Variants in DGKI observed in about 807,000 individuals in gnomAD.
DGKI encodes DAG kinase iota.
DGKI carries 55 observed loss-of-function variants against 147.5 expected under a neutral mutation model. That is an observed-to-expected ratio of 0.37 (90% CI 0.30 to 0.47). The LOEUF (loss-of-function observed/expected upper bound fraction) is 0.47. DGKI is among the 20% of genes least tolerant of loss of function. The pLI is 1.00. For synonymous variants in DGKI, 469 were observed against 477.1 expected (o/e 0.98, Z 0.22); for missense variants, 1,007 against 1,323.8 (o/e 0.76, Z 3.71).
At chr7:137,765,739 T>C (rs1299857737) in intron 1 of DGKI, among the ~76,000 whole-genome samples, 2 of 152,210 alleles carry the variant, frequency 1.3e-5, no homozygotes, top group African/African-American at 4.8e-5. Flanking sequence ...TTCAGCTAAG[T>C]AGCCCTCAGG....
chr7:137,480,034 G>A (rs141166707), intron 23 of DGKI, among the ~76,000 whole-genome samples: 5 of 152,168 alleles, frequency 3.3e-5, no homozygotes, highest in East Asian at 3.9e-4. Context: ...CCCAGATTTC[G>A]AAGATGAAGA....
intron 19 of DGKI, among the ~76,000 whole-genome samples, chr7:137,569,726 C>A (rs1818723496): frequency 4.1e-5 from 1 of 24,422 alleles, no homozygotes. Flanking sequence ...GAGACTCTGT[C>A]TCAAAAAAAA....
intron 26 of DGKI, among the ~76,000 whole-genome samples, chr7:137,465,377 G>T (rs1206788171): frequency 6.6e-6 from 1 of 152,130 alleles, no homozygotes; most frequent in African/African-American, 2.4e-5. Flanking sequence ...TCTGAGTGAG[G>T]ATTATTGTTA....
chr7:137,503,728 T>C (rs1313096187), intron 21 of DGKI, among the ~76,000 whole-genome samples: 2 of 152,196 alleles, frequency 1.3e-5, no homozygotes, highest in African/African-American at 4.8e-5. Context: ...TTGGTTCTTT[T>C]ACAATATAGT....
At chr7:137,560,368 A>G (rs972814837) in intron 19 of DGKI, among the ~76,000 whole-genome samples, 31 of 152,302 alleles carry the variant, frequency 2.0e-4, no homozygotes, top group Admixed American at 1.8e-3. Flanking sequence ...GAAGCAGAGA[A>G]AGGGAGAATT....
rs1470631037 is a variant in DGKI at position 137,383,649 on chromosome 7, T to C, written c.*7571A>G. The stretch of plus-strand genomic sequence containing the variant: ...AAACAGTGATAACAACTTCACTGTT[T>C]TTCAGAAAGCCCAAACTGTTTTTCT... On this transcript the variant is annotated 3_prime_UTR_variant, in exon 33 of 33. Coordinates refer to ENST00000614521, the MANE Select transcript of DGKI (RefSeq NM_001321708.2). The C allele has an allele frequency of 1.3e-5, 2 of 152,008 alleles. No homozygotes were observed. The highest frequency in any genetic ancestry group is 2.9e-5 in the Non-Finnish European group (2 of 67,928). 9.4% of individuals were successfully genotyped at this position (152,008 alleles called of 1,614,324 possible).
intron 14 of DGKI, among the ~76,000 whole-genome samples, chr7:137,584,604 T>C (rs954810227): frequency 1.3e-4 from 20 of 152,320 alleles, no homozygotes; most frequent in African/African-American, 4.6e-4. Context: ...ATGCTCACTA[T>C]CTGGGTGATG....
intron 28 of DGKI, among the ~76,000 whole-genome samples, chr7:137,426,977 A>G (rs1361558200): frequency 2.0e-5 from 3 of 150,712 alleles, no homozygotes; most frequent in Admixed American, 6.6e-5. Flanking sequence ...CACTGTCAAC[A>G]TTAGACAGAT....
chr7:137,844,383 C>A (rs1313061715), intron 1 of DGKI, among the ~76,000 whole-genome samples: 2 of 152,044 alleles, frequency 1.3e-5, no homozygotes, highest in Admixed American at 6.5e-5. Context: ...GTCTTGGGGG[C>A]AAAATAGGGT....
chr7:137,391,373 A>C, intron 32 of DGKI, 37 bp from the exon 33 acceptor site: 4 of 1,391,096 alleles, frequency 2.9e-6, no homozygotes, highest in East Asian at 2.4e-5. Context: ...AAAGAGAGAG[A>C]GAGATAGACA....
At chr7:137,467,493 G>C (rs532291876) in intron 24 of DGKI, among the ~76,000 whole-genome samples, 2 of 152,232 alleles carry the variant, frequency 1.3e-5, no homozygotes, top group East Asian at 3.9e-4. Flanking sequence ...TTCCCACTTC[G>C]GAAAATGGCT....
At chr7:137,727,929 A>G (rs1794758798) in intron 1 of DGKI, among the ~76,000 whole-genome samples, 1 of 152,190 alleles carries the variant, frequency 6.6e-6, no homozygotes, top group African/African-American at 2.4e-5. Flanking sequence ...AAACAAAGAA[A>G]GTGGAACCAG....
At chr7:137,646,549 T>C (rs1821834120) in intron 5 of DGKI, among the ~76,000 whole-genome samples, 1 of 152,186 alleles carries the variant, frequency 6.6e-6, no homozygotes, top group Non-Finnish European at 1.5e-5. Flanking sequence ...AAAGTCATCC[T>C]CAGGACTAGG....
chr7:137,731,606 A>G (rs1794887683), intron 1 of DGKI, among the ~76,000 whole-genome samples: 1 of 152,072 alleles, frequency 6.6e-6, no homozygotes, highest in Non-Finnish European at 1.5e-5. Flanking sequence ...AATCAGGCCC[A>G]TATGTGTATT....
At chr7:137,722,171 T>C (rs1794578665) in intron 1 of DGKI, 4 of 1,600,662 alleles carry the variant, frequency 2.5e-6, no homozygotes, top group Admixed American at 3.3e-5. Flanking sequence ...CGATCTGCTA[T>C]GTATTCCAGA....
At chr7:137,694,941 T>C (rs1172596181) in intron 1 of DGKI, among the ~76,000 whole-genome samples, 1 of 152,194 alleles carries the variant, frequency 6.6e-6, no homozygotes, top group African/African-American at 2.4e-5. Context: ...GAACTCAAAG[T>C]ACTTTTTGAT....
chr7:137,451,973 T>C (rs1813984759), intron 27 of DGKI, among the ~76,000 whole-genome samples: 1 of 152,238 alleles, frequency 6.6e-6, no homozygotes, highest in South Asian at 2.1e-4. Context: ...AGATAGGATG[T>C]CAATAGATTA....
chr7:137,439,523 C>T (rs773283013), intron 28 of DGKI, among the ~76,000 whole-genome samples: 77 of 152,246 alleles, frequency 5.1e-4, no homozygotes, highest in Admixed American at 1.2e-3. Flanking sequence ...TTCACTATCA[C>T]GAAAACAGTA....
chr7:137,442,374 C>G (rs961938859), intron 28 of DGKI, among the ~76,000 whole-genome samples: 2 of 152,118 alleles, frequency 1.3e-5, no homozygotes, highest in African/African-American at 4.8e-5. Context: ...AGTGGATTAT[C>G]AAATTATAAT....
Sources: gnomAD v4.1 joint callset for allele counts (sites outside exome capture counted in the v4.1 genomes callset) on GRCh38, gnomAD v4.1.1 for gene constraint, MANE v1.5 for transcripts, NCBI Gene and HGNC (gene_info 2026-07-23, HGNC 2026-07-21) for gene names.